ASPHD1: variants seen among roughly 807,000 people sequenced by gnomAD.
ASPHD1 encodes the protein aspartate beta-hydroxylase domain-containing protein 1.
Under a neutral mutation model 28.3 loss-of-function variants are expected in ASPHD1, and 20 were observed. That is an observed-to-expected ratio of 0.71 (90% CI 0.50 to 1.03). ASPHD1 has a LOEUF of 1.03. ASPHD1 is among the 50% of genes least tolerant of loss of function. The pLI, the probability that ASPHD1 is intolerant of heterozygous loss-of-function variation, is 0.00. For missense variants in ASPHD1, 479 were observed against 524.1 expected, an observed-to-expected ratio of 0.91 and a Z score of 0.84; for synonymous variants, 240 against 221.2, an observed-to-expected ratio of 1.08 and a Z score of -0.75.
At chr16:29,911,117 C>G in intron 3 of ASPHD1, 1 of 1,614,162 alleles carries the variant, frequency 6.2e-7, no homozygotes, top group Non-Finnish European at 8.5e-7. Context: ...CCCGTGGAAG[C>G]GCAGGGCCAG....
At chr16:29,911,181 C>G in intron 3 of ASPHD1, 1 of 1,612,654 alleles carries the variant, frequency 6.2e-7, no homozygotes, top group Non-Finnish European at 8.5e-7. Context: ...GTGCTGGGGA[C>G]CAGGGGACCA....
chr16:29,906,773 G>C (rs978379667), downstream of ASPHD1: 1 of 1,038,976 alleles, frequency 9.6e-7, no homozygotes, highest in Admixed American at 2.0e-5. Flanking sequence ...GAGGACCCAC[G>C]ACTTGGCCAG....
chr16:29,907,194 C>T (rs1009525508), downstream of ASPHD1: 3 of 901,020 alleles, frequency 3.3e-6, no homozygotes, highest in South Asian at 3.2e-5. Context: ...TGCACCAACA[C>T]ACCTCCTAGC....
At chr16:29,906,135 CT>C (rs1355528171), downstream of ASPHD1, 168 of 319,148 alleles carry the variant, frequency 5.3e-4, 1 homozygote, top group African/African-American at 3.4e-3. Flanking sequence ...CAGGTACCTC[CT>C]TTTTTTTCTT....
chr16:29,907,217 T>C (rs2068629412), downstream of ASPHD1: 1 of 737,134 alleles, frequency 1.4e-6, no homozygotes, highest in South Asian at 1.8e-5. Context: ...TGCAGTCAGG[T>C]CCTTGGGCCT....
chr16:29,917,000 T>C (rs1235116711), intron 3 of ASPHD1, among the ~76,000 whole-genome samples: 1 of 152,180 alleles, frequency 6.6e-6, no homozygotes, highest in Non-Finnish European at 1.5e-5. Context: ...ATAGAGTGAG[T>C]GATCTCAAAG....
At chr16:29,916,347 CAA>C (rs2068809356) in intron 3 of ASPHD1, among the ~76,000 whole-genome samples, 1 of 152,142 alleles carries the variant, frequency 6.6e-6, no homozygotes, top group Non-Finnish European at 1.5e-5. Context: ...CCTTGGCCTC[CAA>C]AAGTTATGGT....
At chr16:29,917,693 C>T (rs569304609) in intron 3 of ASPHD1, among the ~76,000 whole-genome samples, 2 of 152,106 alleles carry the variant, frequency 1.3e-5, no homozygotes, top group South Asian at 2.1e-4. Flanking sequence ...GCAGGAGAAT[C>T]GCTTGAACCC....
intron 3 of ASPHD1, among the ~76,000 whole-genome samples, chr16:29,916,231 T>C (rs145243765): frequency 5.2e-4 from 79 of 152,300 alleles, no homozygotes; most frequent in African/African-American, 1.4e-3. Context: ...CACTGGACTC[T>C]TATTAACAGA....
downstream of ASPHD1, chr16:29,907,042 C>A (rs765354617): frequency 2.5e-5 from 40 of 1,613,816 alleles, no homozygotes; most frequent in Non-Finnish European, 3.3e-5. Flanking sequence ...GGGTCTGGGC[C>A]CCGGGGAGTC....
At chr16:29,904,126 G>A (rs369934011) in intron 1 of ASPHD1, among the ~76,000 whole-genome samples, 2 of 147,166 alleles carry the variant, frequency 1.4e-5, no homozygotes, top group African/African-American at 5.0e-5. Context: ...GTCTGTATAA[G>A]AATAAAATAA....
chr16:29,906,503 G>A (rs777776724), downstream of ASPHD1: 13 of 473,594 alleles, frequency 2.7e-5, no homozygotes, highest in African/African-American at 1.2e-4. Flanking sequence ...CCTGCAGGAC[G>A]CGGGAGGCTG....
chr16:29,905,179 C>T (rs2068590915), intron 2 of ASPHD1: 2 of 467,048 alleles, frequency 4.3e-6, no homozygotes, highest in Non-Finnish European at 7.6e-6. Context: ...GATAATATTA[C>T]GTACACAGAA....
chr16:29,909,686 C>T (rs1014631335), downstream of ASPHD1, among the ~76,000 whole-genome samples: 7 of 151,168 alleles, frequency 4.6e-5, no homozygotes, highest in African/African-American at 1.7e-4. Context: ...TTCTGAGTTT[C>T]CCTTTTTTTT....
At chr16:29,911,568 A>G (rs1261425709) in intron 3 of ASPHD1, 2 of 592,310 alleles carry the variant, frequency 3.4e-6, no homozygotes, top group Non-Finnish European at 6.0e-6. Context: ...CTAGAATGAG[A>G]GCACTTGGGA....
At chr16:29,904,035 G>A (rs918772804) in intron 1 of ASPHD1, among the ~76,000 whole-genome samples, 2 of 147,518 alleles carry the variant, frequency 1.4e-5, no homozygotes, top group Non-Finnish European at 3.1e-5. Context: ...GCCAGGTGCC[G>A]TGGCTCATCC....
chr16:29,909,234 A>G (rs2068664269), downstream of ASPHD1, among the ~76,000 whole-genome samples: 1 of 152,080 alleles, frequency 6.6e-6, no homozygotes, highest in Non-Finnish European at 1.5e-5. Flanking sequence ...CTATGAAGGG[A>G]GTGTGACCAA....
At chr16:29,911,782 G>T in intron 3 of ASPHD1, 1 of 1,609,972 alleles carries the variant, frequency 6.2e-7, no homozygotes, top group Non-Finnish European at 8.5e-7. Context: ...GCATCCCAGG[G>T]TCCCGCCCAG....
At chr16:29,911,696 G>T in intron 3 of ASPHD1, 1 of 1,064,416 alleles carries the variant, frequency 9.4e-7, no homozygotes, top group Non-Finnish European at 1.4e-6. Flanking sequence ...AGCCGAATCT[G>T]CGAGCAGGCA....
Sources: gnomAD v4.1 joint callset for allele counts (sites outside exome capture counted in the v4.1 genomes callset) on GRCh38, gnomAD v4.1.1 for gene constraint, MANE v1.5 for transcripts, NCBI Gene and HGNC (gene_info 2026-07-23, HGNC 2026-07-21) for gene names.